Variants in ERBB4 observed in about 807,000 individuals in gnomAD.
The protein encoded by ERBB4 is receptor tyrosine-protein kinase erbB-4.
A neutral mutation model predicts 158.0 loss-of-function variants in ERBB4; 42 were observed. That is an observed-to-expected ratio of 0.27 (90% CI 0.21 to 0.34). ERBB4 has a LOEUF of 0.34. Ranked by LOEUF, ERBB4 falls within the 10% of genes least tolerant of loss-of-function variation. ERBB4 has a pLI of 1.00. For missense variants in ERBB4, 1,333 were observed against 1,624.1 expected, an observed-to-expected ratio of 0.82 and a Z score of 3.08; for synonymous variants, 583 against 558.7, an observed-to-expected ratio of 1.04 and a Z score of -0.61.
chr2:211,990,521 TAA>T (rs139607167), intron 2 of ERBB4, among the ~76,000 whole-genome samples: 2 of 113,160 alleles, frequency 1.8e-5, no homozygotes, highest in African/African-American at 2.9e-5. Context: ...AAAATAAAAA[TAA>T]AAATAAATAA....
At chr2:211,710,699 C>T (rs1336299846) in intron 9 of ERBB4, among the ~76,000 whole-genome samples, 1 of 152,062 alleles carries the variant, frequency 6.6e-6, no homozygotes, top group Non-Finnish European at 1.5e-5. Flanking sequence ...TGGGTCTTTC[C>T]CACGCTGTTC....
intron 25 of ERBB4, among the ~76,000 whole-genome samples, chr2:211,406,024 G>A (rs973494968): frequency 2.0e-5 from 3 of 152,008 alleles, no homozygotes; most frequent in Non-Finnish European, 4.4e-5. Context: ...CTCATGTCCT[G>A]TGACTCAAGA....
intron 20 of ERBB4, among the ~76,000 whole-genome samples, chr2:211,479,697 G>A (rs1363898908): frequency 6.6e-6 from 1 of 152,104 alleles, no homozygotes; most frequent in Non-Finnish European, 1.5e-5. Flanking sequence ...TTTTCACTTT[G>A]CATGTATTCA....
intron 25 of ERBB4, among the ~76,000 whole-genome samples, chr2:211,393,201 A>T (rs1461539747): frequency 6.6e-6 from 1 of 152,180 alleles, no homozygotes; most frequent in Admixed American, 6.5e-5. Flanking sequence ...TGAATACATG[A>T]TAACTCTTAG....
chr2:212,391,920 ATAAAT>A (rs924997967), intron 1 of ERBB4, among the ~76,000 whole-genome samples: 19 of 150,918 alleles, frequency 1.3e-4, no homozygotes, highest in Non-Finnish European at 1.9e-4. Context: ...AATTGACAAA[ATAAAT>A]AAAATAAGCA....
At chr2:212,391,365 G>T (rs1045331084) in intron 1 of ERBB4, among the ~76,000 whole-genome samples, 1 of 151,260 alleles carries the variant, frequency 6.6e-6, no homozygotes, top group Non-Finnish European at 1.5e-5. Context: ...CTTTCTGTCA[G>T]CAGTGCCTAG....
At chr2:211,447,530 A>T (rs114453269) in intron 20 of ERBB4, among the ~76,000 whole-genome samples, 1 of 152,182 alleles carries the variant, frequency 6.6e-6, no homozygotes, top group Non-Finnish European at 1.5e-5. Context: ...AAAATAATGT[A>T]AAGTCTGTTA....
chr2:211,966,376 G>C (rs1293471857), intron 2 of ERBB4, among the ~76,000 whole-genome samples: 1 of 151,996 alleles, frequency 6.6e-6, no homozygotes, highest in Non-Finnish European at 1.5e-5. Context: ...TGAAGAGCTG[G>C]GATTGCAGGC....
chr2:212,362,409 T>A (rs921911249), intron 1 of ERBB4, among the ~76,000 whole-genome samples: 2 of 151,328 alleles, frequency 1.3e-5, no homozygotes, highest in African/African-American at 4.8e-5. Context: ...ACACATTATA[T>A]TTTCTTAGCA....
intron 1 of ERBB4, among the ~76,000 whole-genome samples, chr2:212,136,983 T>TA (rs1324514711): frequency 3.3e-5 from 5 of 152,050 alleles, no homozygotes; most frequent in Non-Finnish European, 5.9e-5. Flanking sequence ...CTGATACTAA[T>TA]ATAGACTAGA....
intron 1 of ERBB4, among the ~76,000 whole-genome samples, chr2:212,480,130 G>A (rs905584692): frequency 3.3e-5 from 5 of 151,936 alleles, no homozygotes; most frequent in African/African-American, 1.2e-4. Context: ...CAACCTCAAA[G>A]GAAGATGGTA....
intron 2 of ERBB4, among the ~76,000 whole-genome samples, chr2:211,989,560 C>T (rs1198652201): frequency 6.6e-6 from 1 of 151,312 alleles, no homozygotes; most frequent in Non-Finnish European, 1.5e-5. Flanking sequence ...TTTTTCTTGT[C>T]CCCTTTTTCA....
chr2:212,293,322 C>G (rs988041501), intron 1 of ERBB4, among the ~76,000 whole-genome samples: 1 of 151,666 alleles, frequency 6.6e-6, no homozygotes, highest in East Asian at 1.9e-4. Context: ...TAATAAAAAT[C>G]TCATCTCACA....
At chr2:211,774,498 C>T (rs1210445300) in intron 4 of ERBB4, among the ~76,000 whole-genome samples, 5 of 152,108 alleles carry the variant, frequency 3.3e-5, no homozygotes, top group African/African-American at 7.2e-5. Context: ...CGCCTCTTCA[C>T]GGATAGGTCA....
At chr2:212,475,954 CCCA>C (rs1689367878) in intron 1 of ERBB4, among the ~76,000 whole-genome samples, 1 of 152,020 alleles carries the variant, frequency 6.6e-6, no homozygotes, top group African/African-American at 2.4e-5. Context: ...CAGTCCTTTC[CCCA>C]CAATACAGCA....
intron 1 of ERBB4, among the ~76,000 whole-genome samples, chr2:212,161,984 G>A (rs1280313076): frequency 6.6e-6 from 1 of 151,786 alleles, no homozygotes; most frequent in Non-Finnish European, 1.5e-5. Context: ...GTTATATATT[G>A]TGAGAATATA....
intron 1 of ERBB4, among the ~76,000 whole-genome samples, chr2:212,166,886 C>T (rs4450546): frequency 0.6 from 91,511 of 151,860 alleles, 28,642 homozygotes; most frequent in African/African-American, 0.67. Context: ...ACTGGCTAGC[C>T]ATCTGCAGAA....
chr2:211,496,460 A>G (rs1055276852), intron 20 of ERBB4, among the ~76,000 whole-genome samples: 2 of 151,988 alleles, frequency 1.3e-5, no homozygotes, highest in Non-Finnish European at 2.9e-5. Context: ...TCCAGTTATC[A>G]GGTCATAACC....
At chr2:211,991,586 A>AT (rs1253900317) in intron 2 of ERBB4, among the ~76,000 whole-genome samples, 1 of 152,094 alleles carries the variant, frequency 6.6e-6, no homozygotes, top group African/African-American at 2.4e-5. Context: ...TATACTTGAT[A>AT]TTTTTTTCCA....
Sources: gnomAD v4.1 joint callset for allele counts (sites outside exome capture counted in the v4.1 genomes callset) on GRCh38, gnomAD v4.1.1 for gene constraint, MANE v1.5 for transcripts, NCBI Gene and HGNC (gene_info 2026-07-23, HGNC 2026-07-21) for gene names.